LCORL: variants seen among roughly 807,000 people sequenced by gnomAD.
LCORL encodes the protein ligand-dependent nuclear receptor corepressor-like protein.
A neutral mutation model predicts 141.8 loss-of-function variants in LCORL; 41 were observed. The observed-to-expected ratio is 0.29, with a 90% CI of 0.23 to 0.38. The LOEUF (loss-of-function observed/expected upper bound fraction) is 0.38. Among genes scored for constraint, LCORL ranks in the 10% least tolerant of loss-of-function variants. The probability of loss-of-function intolerance (pLI) is 1.00; values close to 1 mark genes in which losing one functional copy is unlikely to be tolerated. For synonymous variants in LCORL, 618 were observed against 694.1 expected (o/e 0.89, Z 1.72); for missense variants, 1,759 against 2,035.0 (o/e 0.86, Z 2.61).
intron 4 of LCORL, among the ~76,000 whole-genome samples, chr4:17,921,080 G>A (rs934526689): frequency 3.3e-5 from 5 of 152,136 alleles, no homozygotes; most frequent in Non-Finnish European, 5.9e-5. Context: ...GTGGAGGGCA[G>A]TGGCGCAATC....
At chr4:17,995,291 G>A (rs1720733089) in intron 1 of LCORL, among the ~76,000 whole-genome samples, 1 of 150,488 alleles carries the variant, frequency 6.6e-6, no homozygotes, top group African/African-American at 2.4e-5. Context: ...AAGGACTACA[G>A]TGTCTCCATT....
chr4:17,983,188 T>C (rs1277635204), intron 1 of LCORL, among the ~76,000 whole-genome samples: 1 of 152,232 alleles, frequency 6.6e-6, no homozygotes, highest in Non-Finnish European at 1.5e-5. Context: ...TAGTTTGAAG[T>C]CAGGTAATGT....
chr4:17,848,068 C>T (rs764421065), intron 7 of LCORL, among the ~76,000 whole-genome samples: 20 of 152,010 alleles, frequency 1.3e-4, no homozygotes, highest in South Asian at 2.1e-4. Flanking sequence ...CAAAAACATA[C>T]GGCGGTTTTC....
At chr4:17,868,829 T>C (rs1725988589) in intron 7 of LCORL, among the ~76,000 whole-genome samples, 1 of 152,158 alleles carries the variant, frequency 6.6e-6, no homozygotes, top group African/African-American at 2.4e-5. Flanking sequence ...AGGGCCCACC[T>C]TTCTCCAGGC....
intron 1 of LCORL, chr4:18,020,393 A>C (rs2109917310): frequency 6.6e-6 from 1 of 151,984 alleles, no homozygotes; most frequent in South Asian, 2.1e-4. Context: ...TGCTGCCACT[A>C]TCCACTGCTT....
In LCORL at chr4:17,884,553, T is replaced by C; in HGVS notation, c.776+1515A>G. The C allele has an allele frequency of 2.6e-6, 4 of 1,535,298 alleles. No individual in the cohort carries two copies. Among genetic ancestry groups the C allele is most frequent in the Admixed American group, 2.2e-5 (1 of 45,956 alleles). On this transcript the variant is annotated intron_variant, in intron 6 of 7. Coordinates refer to ENST00000635767, the Ensembl canonical transcript of LCORL. This position sits in a 1 kb window ranked among gnomAD's most constrained non-coding sequence, Gnocchi z 4.4. ...TAACTATCATGGAAATCTCGAGTTTTGTTTTTAAAAGATGCAGGCTTCCCT... is the reference window on the plus strand; with the variant it reads ...TAACTATCATGGAAATCTCGAGTTTCGTTTTTAAAAGATGCAGGCTTCCCT...
intron 7 of LCORL, among the ~76,000 whole-genome samples, chr4:17,851,140 A>T (rs1284527651): frequency 2.7e-5 from 2 of 74,904 alleles, no homozygotes; most frequent in African/African-American, 5.4e-5. Flanking sequence ...GGGTGGGGGG[A>T]GGGGGGAGGG....
At chr4:18,013,674 A>T (rs1383076038) in intron 1 of LCORL, among the ~76,000 whole-genome samples, 1 of 152,224 alleles carries the variant, frequency 6.6e-6, no homozygotes. Flanking sequence ...TTTAAACATG[A>T]AGACTACTGG....
Position 18,021,737 on chromosome 4 carries a change from TCTTCC to T in LCORL, c.10_14del (p.Gly4ArgfsTer49). On this transcript the variant is annotated frameshift_variant, in exon 1 of 8. Transcript: ENST00000635767. LOFTEE classifies it high-confidence loss of function. The surrounding 1 kb of genome is among the most constrained non-coding windows in gnomAD (Gnocchi z 5.5). Reference sequence around the variant, plus strand: ...CGGCGGCGGCAGCGGCCATTCTCTCTCTTCCCTTGTCCATCTGCGTCCCGCGTCAC... The same window carrying T: ...CGGCGGCGGCAGCGGCCATTCTCTCTCTTGTCCATCTGCGTCCCGCGTCAC... The T allele has an allele frequency of 6.6e-7, 1 of 1,517,180 alleles. No homozygotes were observed. The highest frequency in any genetic ancestry group is 8.8e-7 in the Non-Finnish European group (1 of 1,133,604). The allele number at this position is 1,517,180 out of a possible 1,614,324, so 94.0% of individuals were successfully genotyped here.
exon 7 of LCORL, chr4:17,875,411 C>A (rs1248312245): frequency 8.1e-7 from 1 of 1,231,258 alleles, no homozygotes; most frequent in African/African-American, 1.6e-5. Flanking sequence ...TTCTTTCACC[C>A]AAGTCAATTT....
chr4:17,914,331 CT>C (rs777805270), intron 4 of LCORL, among the ~76,000 whole-genome samples: 6 of 152,174 alleles, frequency 3.9e-5, no homozygotes, highest in Non-Finnish European at 1.5e-5. Flanking sequence ...AACATCATCA[CT>C]TTATCAATTC....
At chr4:17,989,524 T>C (rs935826307) in intron 1 of LCORL, among the ~76,000 whole-genome samples, 3 of 152,204 alleles carry the variant, frequency 2.0e-5, no homozygotes, top group Admixed American at 6.5e-5. Flanking sequence ...ATTTCAGATA[T>C]TGAAAAATTC....
At chr4:17,889,940 G>A (rs1728845520) in intron 5 of LCORL, among the ~76,000 whole-genome samples, 1 of 152,084 alleles carries the variant, frequency 6.6e-6, no homozygotes. Context: ...AGTGAATAAT[G>A]TAGATAAAAT....
chr4:17,851,823 A>C (rs945002753), intron 7 of LCORL, among the ~76,000 whole-genome samples: 2 of 152,216 alleles, frequency 1.3e-5, no homozygotes, highest in Non-Finnish European at 1.5e-5. Flanking sequence ...CTCTTACTCT[A>C]ACCAATAATG....
chr4:17,964,327 G>A (rs1462182921), intron 2 of LCORL, among the ~76,000 whole-genome samples: 1 of 152,066 alleles, frequency 6.6e-6, no homozygotes, highest in Non-Finnish European at 1.5e-5. Flanking sequence ...TACCTTGTAT[G>A]TGAATAAGGA....
chr4:17,999,804 T>C (rs1040824657), intron 1 of LCORL, among the ~76,000 whole-genome samples: 16 of 152,304 alleles, frequency 1.1e-4, no homozygotes, highest in South Asian at 2.1e-4. Flanking sequence ...TTTGATACGA[T>C]TTCTCAGTCT....
At chr4:17,956,241 T>C (rs879674596) in intron 4 of LCORL, among the ~76,000 whole-genome samples, 2 of 151,994 alleles carry the variant, frequency 1.3e-5, no homozygotes, top group Non-Finnish European at 2.9e-5. Flanking sequence ...CTATAGAAAA[T>C]AGTGCGGAGG....
chr4:17,862,936 T>A (rs751664740), intron 7 of LCORL, among the ~76,000 whole-genome samples: 7 of 152,184 alleles, frequency 4.6e-5, no homozygotes, highest in Non-Finnish European at 8.8e-5. Flanking sequence ...GGGAGAATAT[T>A]TGCCAACCAT....
chr4:17,936,184 T>C (rs1025243040), intron 4 of LCORL, among the ~76,000 whole-genome samples: 1 of 152,046 alleles, frequency 6.6e-6, no homozygotes. Context: ...TAATATCAAT[T>C]TGATCCAAAT....
Sources: allele counts gnomAD v4.1 joint callset (sites outside exome capture counted in the v4.1 genomes callset), GRCh38; gene constraint gnomAD v4.1.1; non-coding constraint Gnocchi (gnomAD v3.1); transcripts MANE v1.5; gene names NCBI Gene and HGNC (gene_info 2026-07-23, HGNC 2026-07-21).